Variants in C1GALT1 observed in about 807,000 individuals in gnomAD.
C1GALT1 encodes the protein glycoprotein-N-acetylgalactosamine 3-beta-galactosyltransferase 1.
Under a neutral mutation model 31.0 loss-of-function variants are expected in C1GALT1, and 11 were observed. The observed-to-expected ratio is 0.36, with a 90% confidence interval of 0.22 to 0.59. The LOEUF is 0.59. Ranked by LOEUF, C1GALT1 falls within the 20% of genes least tolerant of loss-of-function variation. The pLI is 0.79. For missense variants in C1GALT1, 424 were observed against 425.2 expected, an observed-to-expected ratio of 1.00 and a Z score of 0.03; for synonymous variants, 175 against 143.6, an observed-to-expected ratio of 1.22 and a Z score of -1.56.
chr7:7,238,136 C>G lies in C1GALT1; in HGVS notation c.221-119C>G. 1 of 977,918 alleles carries G rather than the reference C, an allele frequency of 1.0e-6. No homozygotes were observed. Among genetic ancestry groups the G allele is most frequent in the South Asian group, 1.9e-5 (1 of 52,314 alleles). The allele number at this position is 977,918 out of a possible 1,614,324, so 60.6% of individuals were successfully genotyped here. A position where few individuals can be genotyped will look rare whatever the true frequency, so the allele number is the denominator to read the frequency against. On this transcript the variant is annotated intron_variant, in intron 2 of 3. Coordinates refer to ENST00000436587, the MANE Select transcript of C1GALT1 (RefSeq NM_020156.5). The surrounding 1 kb of genome is among the most constrained non-coding windows in gnomAD (Gnocchi z 5.2). Reference sequence around the variant, plus strand: ...TGAGTTTGCTTTCCTTTGGCTAAATCACTAATAGAGGGATAAATAGGGACT... The same window carrying G: ...TGAGTTTGCTTTCCTTTGGCTAAATGACTAATAGAGGGATAAATAGGGACT...
chr7:7,165,293 T>C (rs549266520), intron 2 of C1GALT1, among the ~76,000 whole-genome samples: 1 of 152,314 alleles, frequency 6.6e-6, no homozygotes, highest in East Asian at 1.9e-4. Flanking sequence ...TTACTCACTG[T>C]GGTGGGATTA....
At chr7:7,210,415 C>CTTTTTTTTT (rs562711064) in intron 1 of C1GALT1, 4 of 85,152 alleles carry the variant, frequency 4.7e-5, no homozygotes, top group East Asian at 3.8e-4. Flanking sequence ...TGGGCAGATT[C>CTTTTTTTTT]TTTTTTTTTT....
chr7:7,245,053 G>T lies in C1GALT1; in HGVS notation c.*1326G>T, dbSNP rs755857817. ...TGTTTAAAGAGTTTCTGAAAGGAAA[G>T]AAATTTTTTATTTTTATTATCTTTA... On this transcript the variant is annotated 3_prime_UTR_variant, in exon 4 of 4. Transcript: ENST00000436587. 6.6e-6 allele frequency: 1 copy of T among 152,190 alleles called. No individual in the cohort carries two copies. Among genetic ancestry groups the T allele is most frequent in the Non-Finnish European group, 1.5e-5 (1 of 68,012 alleles). 9.4% of individuals were successfully genotyped at this position (152,190 alleles called of 1,614,324 possible). A position where few individuals can be genotyped will look rare whatever the true frequency, so the allele number is the denominator to read the frequency against.
intron 2 of C1GALT1, among the ~76,000 whole-genome samples, chr7:7,176,289 GAA>G (rs371682219): frequency 6.8e-6 from 1 of 147,772 alleles, no homozygotes; most frequent in Non-Finnish European, 1.5e-5. Context: ...CTTGAAATAA[GAA>G]AAAAAAAATG....
At chr7:7,172,543 C>T (rs1465647379) in intron 2 of C1GALT1, among the ~76,000 whole-genome samples, 3 of 152,074 alleles carry the variant, frequency 2.0e-5, no homozygotes, top group Admixed American at 6.6e-5. Context: ...ATTATTTCTG[C>T]CCCTCTCTTT....
intron 1 of C1GALT1, among the ~76,000 whole-genome samples, chr7:7,224,230 G>A (rs1050410080): frequency 1.3e-5 from 2 of 149,306 alleles, no homozygotes; most frequent in Non-Finnish European, 3.0e-5. Context: ...TTTTGTTTCT[G>A]TATTTCTGAG....
Position 7,204,009 on chromosome 7 carries a change from G to A in C1GALT1, c.-18+21189G>A, listed in dbSNP as rs532547202. On this transcript the variant is annotated intron_variant, in intron 1 of 3. Coordinates refer to ENST00000436587, the MANE Select transcript of C1GALT1 (RefSeq NM_020156.5). The stretch of plus-strand genomic sequence containing the variant: ...GGTTTCTACTATCCTTTGTTGGTTT[G>A]TGGTTTTCTTGTGTGTCTTTGTCTG... Among the ~76,000 whole-genome samples the A allele has an allele frequency of 4.0e-5, 6 of 151,418 alleles. No individual in the cohort carries two copies. In the South Asian group the frequency reaches 1.3e-3, roughly 32 times the overall value.
At chr7:7,191,996 T>A (rs1781096240) in intron 1 of C1GALT1, among the ~76,000 whole-genome samples, 1 of 152,148 alleles carries the variant, frequency 6.6e-6, no homozygotes, top group South Asian at 2.1e-4. Flanking sequence ...GCCAATATTT[T>A]CTTTCAGTGA....
intron 1 of C1GALT1, among the ~76,000 whole-genome samples, chr7:7,201,278 C>T (rs573676743): frequency 1.8e-4 from 27 of 152,288 alleles, no homozygotes; most frequent in Middle Eastern, 6.8e-3. Context: ...CACTCCAGAC[C>T]GTGTTAGCCT....
chr7:7,163,551 G>T (rs531170210), intron 2 of C1GALT1, among the ~76,000 whole-genome samples: 155 of 152,244 alleles, frequency 1.0e-3, no homozygotes, highest in African/African-American at 3.5e-3. Flanking sequence ...TGACATGATT[G>T]TATATCTAGA....
chr7:7,204,108 T>TTG (rs1554292230), intron 1 of C1GALT1, among the ~76,000 whole-genome samples: 1 of 150,430 alleles, frequency 6.6e-6, no homozygotes, highest in African/African-American at 2.4e-5. Flanking sequence ...TTTTTTTTTT[T>TTG]TTGTTTTTTT....
intron 3 of C1GALT1, among the ~76,000 whole-genome samples, 199 bp downstream of exon 3, chr7:7,239,121 A>G (rs1439871530): frequency 7.2e-5 from 11 of 152,238 alleles, no homozygotes; most frequent in African/African-American, 1.7e-4. Flanking sequence ...GCAAATAGCT[A>G]TTGATGCTGT....
At position 7,185,225 on chromosome 7, in the gene C1GALT1, G is replaced by T. The variant is rs546260656; in HGVS notation, c.-18+2405G>T. Among the ~76,000 whole-genome samples the T allele has an allele frequency of 7.9e-5, 12 of 152,256 alleles. No individual in the cohort carries two copies. In the East Asian group the frequency reaches 2.3e-3, roughly 29 times the overall value. ...GTGCTGCCTTGCACATTGAAGGGGCGTGTTGGGGGCAACGAGAGGCAATAT... is the reference window on the plus strand; with the variant it reads ...GTGCTGCCTTGCACATTGAAGGGGCTTGTTGGGGGCAACGAGAGGCAATAT... On this transcript the variant is annotated intron_variant, in intron 1 of 3. Coordinates refer to ENST00000436587, the MANE Select transcript of C1GALT1 (RefSeq NM_020156.5).
rs1218516609 is a variant in C1GALT1, at chr7:7,163,095, G to T, written c.-18+5669G>T. ...GTTCACTCTGATGATAGTTTCTTTT[G>T]CTGTGCAGAAGCTCTTTAGTTTAAT... On this transcript the variant is annotated intron_variant, in intron 2 of 3. Coordinates refer to the C1GALT1 transcript ENST00000429911. 2.6e-5 allele frequency among the ~76,000 whole-genome samples: 4 copies of T among 152,156 alleles called. No individual in the cohort carries two copies. The East Asian group carries it at 7.7e-4, about 29-fold the overall frequency.
intron 1 of C1GALT1, among the ~76,000 whole-genome samples, chr7:7,197,583 T>G (rs1483121060): frequency 6.6e-6 from 1 of 152,134 alleles, no homozygotes; most frequent in Non-Finnish European, 1.5e-5. Flanking sequence ...GTGAAGAAAG[T>G]CATTGGTAGC....
At chr7:7,237,812 A>T (rs1303442356) in intron 2 of C1GALT1, among the ~76,000 whole-genome samples, 1 of 152,136 alleles carries the variant, frequency 6.6e-6, no homozygotes, top group Non-Finnish European at 1.5e-5. Context: ...TTCTGTCAGT[A>T]ATCTATTAAA....
chr7:7,199,384 C>T (rs543006907), intron 1 of C1GALT1, among the ~76,000 whole-genome samples: 85 of 151,726 alleles, frequency 5.6e-4, no homozygotes, highest in Middle Eastern at 3.4e-3. Flanking sequence ...CTAGTTTGAT[C>T]GCACTGTGGT....
chr7:7,177,034 C>A (rs7777872), intron 2 of C1GALT1, among the ~76,000 whole-genome samples: 3,317 of 152,282 alleles, frequency 0.022, 117 homozygotes, highest in African/African-American at 0.075. Flanking sequence ...CTTTTTCTTA[C>A]TCAGGGATCA....
intron 2 of C1GALT1, among the ~76,000 whole-genome samples, chr7:7,166,192 A>G (rs1780391112): frequency 6.6e-6 from 1 of 152,196 alleles, no homozygotes; most frequent in East Asian, 1.9e-4. Context: ...AGCCCACACA[A>G]TAAGTGATGG....
Sources: allele counts gnomAD v4.1 joint callset (sites outside exome capture counted in the v4.1 genomes callset), GRCh38; gene constraint gnomAD v4.1.1; non-coding constraint Gnocchi (gnomAD v3.1); transcripts MANE v1.5; gene names NCBI Gene and HGNC (gene_info 2026-07-23, HGNC 2026-07-21).